LAMC3: variants seen among roughly 807,000 people sequenced by gnomAD.
The protein encoded by LAMC3 is laminin subunit gamma 3, also known as laminin subunit gamma-3.
In LAMC3, 128 loss-of-function variants were observed where a neutral mutation model predicts 173.8. The ratio of observed to expected loss-of-function variants is 0.74; its 90% CI spans 0.64 to 0.85. The LOEUF (loss-of-function observed/expected upper bound fraction) is 0.85, where lower values mean the gene tolerates loss of function less well. LAMC3 is among the 40% of genes least tolerant of loss of function. The pLI is 0.00. For missense variants in LAMC3, 2,022 were observed against 2,156.0 expected, an observed-to-expected ratio of 0.94 and a Z score of 1.23; for synonymous variants, 897 against 909.1, an observed-to-expected ratio of 0.99 and a Z score of 0.24.
At chr9:131,027,202 T>C (rs1423773419) in intron 2 of LAMC3, among the ~76,000 whole-genome samples, 1 of 152,238 alleles carries the variant, frequency 6.6e-6, no homozygotes, top group Non-Finnish European at 1.5e-5. Flanking sequence ...CCTGGCCCCT[T>C]CCTTATATGG....
At chr9:131,074,866 C>A (rs1419291388) in intron 20 of LAMC3, among the ~76,000 whole-genome samples, 1 of 152,114 alleles carries the variant, frequency 6.6e-6, no homozygotes, top group Non-Finnish European at 1.5e-5. Flanking sequence ...AGCAATAAAG[C>A]CAGGATTCAA....
chr9:131,061,983 G>A (rs148298579), intron 13 of LAMC3, among the ~76,000 whole-genome samples: 1,559 of 152,248 alleles, frequency 0.01, 25 homozygotes, highest in Non-Finnish European at 0.013. Flanking sequence ...CCCGGGAGGC[G>A]GAGGCTGCAG....
intron 1 of LAMC3, among the ~76,000 whole-genome samples, chr9:131,014,345 A>G (rs1338305489): frequency 1.3e-5 from 2 of 152,152 alleles, no homozygotes; most frequent in African/African-American, 2.4e-5. Flanking sequence ...TTGTTCATCC[A>G]CAAAACCATT....
intron 10 of LAMC3, 53 bp from the exon 11 acceptor site, chr9:131,052,797 T>TGGGG: frequency 9.0e-7 from 1 of 1,106,760 alleles, no homozygotes; most frequent in Non-Finnish European, 1.4e-6. Context: ...TCCCCAGGCA[T>TGGGG]GGTACCCCCC....
At chr9:131,037,078 C>T (rs755331123) in intron 4 of LAMC3, among the ~76,000 whole-genome samples, 6 of 152,324 alleles carry the variant, frequency 3.9e-5, no homozygotes, top group South Asian at 2.1e-4. Flanking sequence ...GGGGCTGGGC[C>T]GGGGGCGGCT....
intron 12 of LAMC3, 88 bp downstream of exon 12, chr9:131,057,235 A>C (rs1017382633): frequency 5.9e-6 from 7 of 1,183,322 alleles, no homozygotes; most frequent in Non-Finnish European, 8.7e-6. Context: ...CCAGCCTGGC[A>C]CAGGCATTGA....
rs1316234684 is a variant in LAMC3, at chr9:131,029,583, C to A, written c.679-2462C>A. Among the ~76,000 whole-genome samples the A allele has an allele frequency of 1.3e-5, 2 of 152,252 alleles. No homozygotes were observed. The highest frequency in any genetic ancestry group is 2.9e-5 in the Non-Finnish European group (2 of 68,044). ...CAGAGCAGGACAAAGAGAGGCAAGT[C>A]TACCTTGCTCTTTTCTCCTCATGCT... On this transcript the variant is annotated intron_variant, in intron 2 of 27. Transcript: ENST00000361069. The surrounding 1 kb of genome is among the most constrained non-coding windows in gnomAD (Gnocchi z 4.6).
In LAMC3 at chr9:131,009,541, C is replaced by T; in HGVS notation, c.327C>T (p.Ala109=). Residue 109 remains alanine (A), a synonymous_variant, in exon 1 of 28, where the codon GCC becomes GCT. Transcript: ENST00000361069. This position sits in a 1 kb window ranked among gnomAD's most constrained non-coding sequence, Gnocchi z 4.3. The part of the protein sequence containing the change: ...ESTWWQSPSM[A]FGVQYPTSVN... ...CCTGGTGGCAGAGCCCGTCCATGGC[C>T]TTCGGCGTGCAGTACCCCACCTCGG... 1 of 1,566,252 alleles carries T rather than the reference C, an allele frequency of 6.4e-7. No individual in the cohort carries two copies. The highest frequency in any genetic ancestry group is 8.7e-7 in the Non-Finnish European group (1 of 1,156,016).
intron 23 of LAMC3, among the ~76,000 whole-genome samples, chr9:131,079,509 A>G (rs1005013102): frequency 9.2e-5 from 14 of 152,156 alleles, no homozygotes; most frequent in Non-Finnish European, 1.8e-4. Context: ...CCTGGCTAAC[A>G]TGGTGAAACC....
At chr9:131,022,312 A>G (rs8181099) in intron 1 of LAMC3, among the ~76,000 whole-genome samples, 48,584 of 151,676 alleles carry the variant, frequency 0.32, 10,755 homozygotes, top group African/African-American at 0.63. Flanking sequence ...TCAAACCCCT[A>G]GGCTCAAGTG....
At position 131,029,558 on chromosome 9, in the gene LAMC3, C is replaced by G. The variant is rs1564366962; in HGVS notation, c.679-2487C>G. On this transcript the variant is annotated intron_variant, in intron 2 of 27. Transcript: ENST00000361069. This position sits in a 1 kb window ranked among gnomAD's most constrained non-coding sequence, Gnocchi z 4.6. ...GCTGCTTCTGGACAGAAACCAAGAGCAGAGCAGGACAAAGAGAGGCAAGTC... is the reference window on the plus strand; with the variant it reads ...GCTGCTTCTGGACAGAAACCAAGAGGAGAGCAGGACAAAGAGAGGCAAGTC... Among the ~76,000 whole-genome samples the G allele has an allele frequency of 6.6e-6, 1 of 152,222 alleles. No individual in the cohort carries two copies. The highest frequency in any genetic ancestry group is 1.5e-5 in the Non-Finnish European group (1 of 68,040).
At chr9:131,048,123 C>G (rs1361910962) in intron 8 of LAMC3, among the ~76,000 whole-genome samples, 1 of 129,290 alleles carries the variant, frequency 7.7e-6, no homozygotes, top group African/African-American at 3.0e-5. Flanking sequence ...GTGGCACAAT[C>G]TCAGCTCGCT....
Position 131,041,559 on chromosome 9 carries a change from G to T in LAMC3, c.1284-78G>T. 7 of 1,269,706 alleles carry T rather than the reference G, an allele frequency of 5.5e-6. No individual in the cohort carries two copies. The South Asian group carries it at 6.2e-5, about 11-fold the overall frequency. 78.7% of individuals were successfully genotyped at this position (1,269,706 alleles called of 1,614,324 possible). A position where few individuals can be genotyped will look rare whatever the true frequency, so the allele number is the denominator to read the frequency against. On this transcript the variant is annotated intron_variant, in intron 6 of 27. Coordinates refer to ENST00000361069, the MANE Select transcript of LAMC3 (RefSeq NM_006059.4). ...ACTCCTGATGTTGGCAGCAGGGAAA[G>T]CTCCCTTCCTAGGATGGGCTGTTGC... is the stretch of plus-strand genomic sequence containing the variant.
rs371542747 is a variant in LAMC3 at position 131,057,039 on chromosome 9, T to C, written c.2050T>C (p.Cys684Arg). The change falls in exon 12 of 28, where the codon TGT becomes CGT. Residue 684 changes from cysteine to arginine, a missense_variant. Cys to Arg is a radical substitution (Grantham distance 180). Transcript: ENST00000361069. ...TCCCACTGGCTACACGGGCCAGTTC[T>C]GTGAATCCTGTGCTCCGGGATACAA... The part of the protein sequence containing the change: ...SCPTGYTGQF[C>R]ESCAPGYKRE... 2 of 1,614,162 alleles carry C rather than the reference T, an allele frequency of 1.2e-6. No homozygotes were observed. Among genetic ancestry groups the C allele is most frequent in the Non-Finnish European group, 1.7e-6 (2 of 1,180,016 alleles).
chr9:131,020,004 G>A (rs1833599145), intron 1 of LAMC3, among the ~76,000 whole-genome samples: 1 of 152,070 alleles, frequency 6.6e-6, no homozygotes, highest in Non-Finnish European at 1.5e-5. Context: ...AATCAAGCTG[G>A]CCCACATCCG....
At chr9:131,049,317 A>G (rs1053057599) in intron 9 of LAMC3, among the ~76,000 whole-genome samples, 187 bp downstream of exon 9, 2 of 152,198 alleles carry the variant, frequency 1.3e-5, no homozygotes, top group African/African-American at 4.8e-5. Flanking sequence ...CTGGAGGCCC[A>G]TGGGAAAGTC....
Position 131,052,223 on chromosome 9 carries a change from C to T in LAMC3, c.1631-268C>T, listed in dbSNP as rs143371697. 4.5e-3 allele frequency among the ~76,000 whole-genome samples: 689 copies of T among 152,258 alleles called. 3 individuals are homozygous for T. Among genetic ancestry groups the T allele is most frequent in the Non-Finnish European group, 6.7e-3 (453 of 68,026 alleles). On this transcript the variant is annotated intron_variant, in intron 9 of 27. Transcript: ENST00000361069. The stretch of plus-strand genomic sequence containing the variant: ...CCCTCGGACTCCGTGTTCCATCGGA[C>T]GTCACTTCTAAAACCCAAGTTCAAA...
chr9:131,010,111 A>G (rs1444227330), intron 1 of LAMC3, among the ~76,000 whole-genome samples: 1 of 136,982 alleles, frequency 7.3e-6, no homozygotes, highest in African/African-American at 2.8e-5. Context: ...CCGAGGTCGC[A>G]CCACCGTTCT....
intron 21 of LAMC3, 81 bp from the exon 22 acceptor site, chr9:131,077,106 C>T: frequency 6.3e-7 from 1 of 1,588,860 alleles, no homozygotes; most frequent in East Asian, 2.2e-5. Context: ...CTTTGCAAAC[C>T]AGTGGCTCCA....
Sources: gnomAD v4.1 joint callset for allele counts (sites outside exome capture counted in the v4.1 genomes callset) on GRCh38, gnomAD v4.1.1 for gene constraint, Gnocchi (gnomAD v3.1) non-coding constraint, MANE v1.5 for transcripts, NCBI Gene and HGNC (gene_info 2026-07-23, HGNC 2026-07-21) for gene names.